Variants in RASAL2 observed in about 807,000 individuals in gnomAD.
The protein encoded by RASAL2 is ras GTPase-activating protein nGAP.
A neutral mutation model predicts 128.9 loss-of-function variants in RASAL2; 58 were observed. The observed-to-expected ratio is 0.45, with a 90% CI of 0.36 to 0.56. The LOEUF (loss-of-function observed/expected upper bound fraction) is 0.56, where lower values mean the gene tolerates loss of function less well. Among genes scored for constraint, RASAL2 ranks in the 20% least tolerant of loss-of-function variants. The probability of loss-of-function intolerance (pLI) is 0.00; values close to 1 mark genes in which losing one functional copy is unlikely to be tolerated. For missense variants in RASAL2, 1,360 were observed against 1,601.6 expected (o/e 0.85, Z 2.57); for synonymous variants, 561 against 580.8 (o/e 0.97, Z 0.49).
At chr1:178,220,514 G>A (rs184676366) in intron 1 of RASAL2, among the ~76,000 whole-genome samples, 39 of 152,226 alleles carry the variant, frequency 2.6e-4, no homozygotes, top group Non-Finnish European at 3.5e-4. Context: ...GAATTACTAC[G>A]GGTGATACAG....
chr1:178,273,947 TG>T (rs1333723539), intron 1 of RASAL2, among the ~76,000 whole-genome samples: 2 of 152,296 alleles, frequency 1.3e-5, no homozygotes, highest in East Asian at 3.9e-4. Context: ...TCCTAGTGAG[TG>T]ACGGATAACA....
chr1:178,277,446 A>G (rs993956373), intron 1 of RASAL2, among the ~76,000 whole-genome samples: 2 of 152,170 alleles, frequency 1.3e-5, no homozygotes, highest in Non-Finnish European at 2.9e-5. Flanking sequence ...GGCGTGAGCC[A>G]CCGTTCCTGG....
intron 2 of RASAL2, among the ~76,000 whole-genome samples, chr1:178,293,515 C>T (rs962825368): frequency 1.3e-5 from 2 of 152,178 alleles, no homozygotes; most frequent in Non-Finnish European, 2.9e-5. Flanking sequence ...GTCTGGTATT[C>T]CAGCCCTCCT....
At chr1:178,207,150 C>CA (rs11350533) in intron 1 of RASAL2, among the ~76,000 whole-genome samples, 7 of 120,876 alleles carry the variant, frequency 5.8e-5, no homozygotes, top group African/African-American at 2.0e-4. Context: ...GACCTTGTCT[C>CA]AAAAAAAAAA....
At chr1:178,372,578 A>G (rs1671777922) in intron 3 of RASAL2, among the ~76,000 whole-genome samples, 2 of 152,142 alleles carry the variant, frequency 1.3e-5, no homozygotes, top group African/African-American at 2.4e-5. Context: ...AAGGCTTACC[A>G]TGTCATCTGG....
intron 1 of RASAL2, among the ~76,000 whole-genome samples, chr1:178,278,398 A>G (rs1304054589): frequency 1.3e-5 from 2 of 152,166 alleles, no homozygotes; most frequent in Non-Finnish European, 2.9e-5. Flanking sequence ...ATTTGTGCCT[A>G]TAGCCTGAAA....
intron 1 of RASAL2, among the ~76,000 whole-genome samples, chr1:178,181,963 T>C (rs1662127599): frequency 6.6e-6 from 1 of 152,162 alleles, no homozygotes. Context: ...AAAGTTACTT[T>C]TTCCCCCTTA....
chr1:178,219,947 A>T (rs1663559781), intron 1 of RASAL2, among the ~76,000 whole-genome samples: 1 of 152,030 alleles, frequency 6.6e-6, no homozygotes, highest in African/African-American at 2.4e-5. Context: ...ATCCCTCGTG[A>T]ATGGCTGGTA....
At chr1:178,113,974 T>A (rs1014396584) in intron 1 of RASAL2, among the ~76,000 whole-genome samples, 2 of 152,240 alleles carry the variant, frequency 1.3e-5, no homozygotes, top group Admixed American at 1.3e-4. Context: ...TTCCAATTAT[T>A]TGTTGCTAGT....
intron 3 of RASAL2, among the ~76,000 whole-genome samples, chr1:178,324,612 T>C (rs1668949211): frequency 6.6e-6 from 1 of 152,082 alleles, no homozygotes; most frequent in African/African-American, 2.4e-5. Context: ...CATCTTGAAA[T>C]ATATTTGGAG....
intron 1 of RASAL2, among the ~76,000 whole-genome samples, chr1:178,201,614 G>A (rs1452878223): frequency 6.6e-6 from 1 of 152,154 alleles, no homozygotes; most frequent in Non-Finnish European, 1.5e-5. Flanking sequence ...GTGTGGCAGG[G>A]GCCAAGTGGT....
chr1:178,257,897 A>T (rs1665456526), intron 1 of RASAL2, among the ~76,000 whole-genome samples: 1 of 151,804 alleles, frequency 6.6e-6, no homozygotes, highest in African/African-American at 2.4e-5. Flanking sequence ...ATGACCTTGG[A>T]TTGGCAAAGT....
chr1:178,317,804 C>A (rs888470152), intron 3 of RASAL2, among the ~76,000 whole-genome samples: 2 of 150,718 alleles, frequency 1.3e-5, no homozygotes, highest in Non-Finnish European at 3.0e-5. Flanking sequence ...CAGTTCTGCT[C>A]TGATTTTAGT....
At chr1:178,225,956 A>C (rs1336440932) in intron 1 of RASAL2, among the ~76,000 whole-genome samples, 1 of 152,164 alleles carries the variant, frequency 6.6e-6, no homozygotes, top group East Asian at 1.9e-4. Context: ...AGGTCTCTAC[A>C]ATCTCACAGA....
At chr1:178,354,415 C>T (rs1287810253) in intron 3 of RASAL2, among the ~76,000 whole-genome samples, 2 of 152,158 alleles carry the variant, frequency 1.3e-5, no homozygotes, top group Non-Finnish European at 2.9e-5. Flanking sequence ...AAAGCTTTCC[C>T]TTTTAGATGA....
chr1:178,299,117 T>C (rs1667647522), intron 2 of RASAL2, among the ~76,000 whole-genome samples: 1 of 152,150 alleles, frequency 6.6e-6, no homozygotes, highest in Non-Finnish European at 1.5e-5. Context: ...ATTAGGATTA[T>C]AAAAACACTC....
chr1:178,185,678 A>G (rs1050883868), intron 1 of RASAL2, among the ~76,000 whole-genome samples: 7 of 151,942 alleles, frequency 4.6e-5, no homozygotes, highest in African/African-American at 1.5e-4. Context: ...TCCTGTTTAT[A>G]TGGTGGATTA....
chr1:178,218,420 C>T (rs1465925331), intron 1 of RASAL2, among the ~76,000 whole-genome samples: 1 of 152,204 alleles, frequency 6.6e-6, no homozygotes, highest in African/African-American at 2.4e-5. Flanking sequence ...GGTGCAGTGG[C>T]TCATGCCTGT....
At chr1:178,171,976 C>T (rs1181264929) in intron 1 of RASAL2, among the ~76,000 whole-genome samples, 1 of 152,068 alleles carries the variant, frequency 6.6e-6, no homozygotes, top group Non-Finnish European at 1.5e-5. Context: ...GCCTTACCAA[C>T]GTTTCCCTTT....
Sources: allele counts gnomAD v4.1 joint callset (sites outside exome capture counted in the v4.1 genomes callset), GRCh38; gene constraint gnomAD v4.1.1; transcripts MANE v1.5; gene names NCBI Gene and HGNC (gene_info 2026-07-23, HGNC 2026-07-21).